SDCCAG8: variants seen among roughly 807,000 people sequenced by gnomAD.
The protein encoded by SDCCAG8 is SHH signaling and ciliogenesis regulator SDCCAG8, also known as serologically defined colon cancer antigen 8.
A neutral mutation model predicts 101.8 loss-of-function variants in SDCCAG8; 74 were observed. The observed-to-expected ratio is 0.73, with a 90% CI of 0.60 to 0.88. The LOEUF is 0.88. SDCCAG8 is among the 40% of genes least tolerant of loss of function. SDCCAG8 has a pLI of 0.00. For synonymous variants in SDCCAG8, 281 were observed against 292.9 expected, an observed-to-expected ratio of 0.96 and a Z score of 0.41; for missense variants, 787 against 822.6, an observed-to-expected ratio of 0.96 and a Z score of 0.53.
chr1:243,419,210 G>A (rs1433226371), intron 15 of SDCCAG8, among the ~76,000 whole-genome samples: 1 of 151,972 alleles, frequency 6.6e-6, no homozygotes, highest in Non-Finnish European at 1.5e-5. Context: ...TCTGACATGC[G>A]CACCTTCCTA....
At chr1:243,450,086 A>G (rs559636611) in intron 16 of SDCCAG8, among the ~76,000 whole-genome samples, 1 of 152,236 alleles carries the variant, frequency 6.6e-6, no homozygotes, top group Non-Finnish European at 1.5e-5. Context: ...CCTTGTTCCT[A>G]TGGTAGACGT....
chr1:243,441,378 T>A (rs541719847), intron 16 of SDCCAG8, among the ~76,000 whole-genome samples: 1 of 152,306 alleles, frequency 6.6e-6, no homozygotes, highest in East Asian at 1.9e-4. Context: ...GCTATTTTTT[T>A]ATCTTTTTCT....
At chr1:243,298,610 C>G (rs1265864705) in intron 6 of SDCCAG8, among the ~76,000 whole-genome samples, 2 of 152,104 alleles carry the variant, frequency 1.3e-5, no homozygotes, top group African/African-American at 2.4e-5. Flanking sequence ...AGCTACCATG[C>G]CTGGCCTATG....
At chr1:243,344,970 A>G (rs999666876) in intron 12 of SDCCAG8, among the ~76,000 whole-genome samples, 1 of 152,186 alleles carries the variant, frequency 6.6e-6, no homozygotes, top group African/African-American at 2.4e-5. Context: ...CAGTTCTAAT[A>G]GGCTGACTTT....
At chr1:243,321,735 C>T (rs1404483958) in intron 9 of SDCCAG8, among the ~76,000 whole-genome samples, 2 of 152,116 alleles carry the variant, frequency 1.3e-5, no homozygotes, top group African/African-American at 2.4e-5. Context: ...CTGTAACCTC[C>T]GCCTCCAGAT....
intron 8 of SDCCAG8, among the ~76,000 whole-genome samples, chr1:243,308,420 G>A (rs972429835): frequency 6.6e-6 from 1 of 152,160 alleles, no homozygotes; most frequent in Non-Finnish European, 1.5e-5. Flanking sequence ...AGTATCTCTT[G>A]GTTTCAGTCC....
At chr1:243,447,389 T>A (rs2083006084) in intron 16 of SDCCAG8, among the ~76,000 whole-genome samples, 1 of 151,232 alleles carries the variant, frequency 6.6e-6, no homozygotes, top group Admixed American at 6.6e-5. Flanking sequence ...TGGGTGAATA[T>A]AATCCTTCCA....
chr1:243,463,825 A>G (rs114607247), intron 16 of SDCCAG8, among the ~76,000 whole-genome samples: 1,722 of 152,088 alleles, frequency 0.011, 36 homozygotes, highest in African/African-American at 0.04. Context: ...AGGGAGGGTA[A>G]TGAGACCGTT....
At chr1:243,298,528 G>T (rs550888875) in intron 6 of SDCCAG8, among the ~76,000 whole-genome samples, 83 of 151,580 alleles carry the variant, frequency 5.5e-4, no homozygotes, top group African/African-American at 1.9e-3. Flanking sequence ...CGTTGGCCAG[G>T]CTGGTCTTGA....
rs972498741 is a variant in SDCCAG8 at position 243,447,088 on chromosome 1, C to T, written c.1985+20530C>T. On this transcript the variant is annotated intron_variant, in intron 16 of 17. Transcript: ENST00000366541. ...CCAACATGGCGAACCCCTGTCTCTACTAAAAATACAAAAATTAGCCAGGCA... is the reference window on the plus strand; with the variant it reads ...CCAACATGGCGAACCCCTGTCTCTATTAAAAATACAAAAATTAGCCAGGCA... Among the ~76,000 whole-genome samples the T allele has an allele frequency of 1.3e-5, 2 of 151,766 alleles. 1 individual carries two copies. Among genetic ancestry groups the T allele is most frequent in the Non-Finnish European group, 2.9e-5 (2 of 67,958 alleles).
intron 1 of SDCCAG8, among the ~76,000 whole-genome samples, chr1:243,264,098 C>T (rs904677055): frequency 1.4e-4 from 22 of 152,180 alleles, no homozygotes; most frequent in African/African-American, 3.4e-4. Flanking sequence ...CTGGGCGCTT[C>T]GCAGGGAGTG....
At chr1:243,318,531 A>G in intron 9 of SDCCAG8, 1 of 984,930 alleles carries the variant, frequency 1.0e-6, no homozygotes, top group Non-Finnish European at 1.2e-6. Context: ...AATTAGGGCT[A>G]TTCAATTCTG....
chr1:243,492,905 C>T (rs898709655), intron 17 of SDCCAG8, among the ~76,000 whole-genome samples: 4 of 152,138 alleles, frequency 2.6e-5, no homozygotes, highest in African/African-American at 9.7e-5. Context: ...TGCCCGGCCT[C>T]TTGGCTTGTT....
chr1:243,308,780 T>TC (rs2072423198), intron 8 of SDCCAG8, among the ~76,000 whole-genome samples: 1 of 152,364 alleles, frequency 6.6e-6, no homozygotes, highest in Middle Eastern at 3.4e-3. Flanking sequence ...TTTTCACTAT[T>TC]CCAGAGGAGG....
chr1:243,484,726 C>A (rs771949857), intron 16 of SDCCAG8, among the ~76,000 whole-genome samples: 1 of 152,166 alleles, frequency 6.6e-6, no homozygotes, highest in African/African-American at 2.4e-5. Context: ...TGATGGACCC[C>A]CAGGTCTTAA....
At chr1:243,278,345 C>T (rs1558224038) in intron 4 of SDCCAG8, among the ~76,000 whole-genome samples, 2 of 152,072 alleles carry the variant, frequency 1.3e-5, no homozygotes, top group Admixed American at 6.5e-5. Context: ...CTCAGCCTCC[C>T]GAATAGCTGG....
intron 11 of SDCCAG8, among the ~76,000 whole-genome samples, chr1:243,343,111 G>A (rs757712030): frequency 2.6e-4 from 40 of 152,116 alleles, no homozygotes; most frequent in African/African-American, 6.5e-4. Flanking sequence ...ACAGGCATGC[G>A]CTACCATACC....
intron 10 of SDCCAG8, among the ~76,000 whole-genome samples, chr1:243,339,989 A>G (rs2075289912): frequency 6.6e-6 from 1 of 152,244 alleles, no homozygotes; most frequent in Admixed American, 6.5e-5. Context: ...GACTTCCTGG[A>G]AAAGAACAAA....
rs780229262 is a variant in SDCCAG8, at chr1:243,418,096, A to C, written c.1853+20A>C. The C allele has an allele frequency of 6.7e-6, 10 of 1,503,080 alleles. No individual in the cohort carries two copies. Among genetic ancestry groups the C allele is most frequent in the Non-Finnish European group, 9.3e-6 (10 of 1,079,778 alleles). The allele number at this position is 1,503,080 out of a possible 1,614,324, so 93.1% of individuals were successfully genotyped here. A position where few individuals can be genotyped will look rare whatever the true frequency, so the allele number is the denominator to read the frequency against. On this transcript the variant is annotated intron_variant, in intron 15 of 17. Transcript: ENST00000366541. ...AACCAGGTAGGTGATGTTATAGAAT[A>C]CTTTCAAGAGCACTGTTTGTGTGAT...
Sources: allele counts gnomAD v4.1 joint callset (sites outside exome capture counted in the v4.1 genomes callset), GRCh38; gene constraint gnomAD v4.1.1; transcripts MANE v1.5; gene names NCBI Gene and HGNC (gene_info 2026-07-23, HGNC 2026-07-21).